The following ADAMTS16 variants were observed in gnomAD, a reference collection of about 807,000 sequenced individuals.
ADAMTS16 encodes ADAM metallopeptidase with thrombospondin type 1 motif 16, also known as A disintegrin and metalloproteinase with thrombospondin motifs 16.
Under a neutral mutation model 145.8 loss-of-function variants are expected in ADAMTS16, and 94 were observed. That is an observed-to-expected ratio of 0.64 (90% confidence interval 0.55 to 0.77). ADAMTS16 has a LOEUF of 0.77. ADAMTS16 is among the 30% of genes least tolerant of loss of function. The pLI is 0.00. For missense variants in ADAMTS16, 1,585 were observed against 1,591.5 expected, an observed-to-expected ratio of 1.00 and a Z score of 0.07; for synonymous variants, 659 against 604.3, an observed-to-expected ratio of 1.09 and a Z score of -1.33.
intron 10 of ADAMTS16, among the ~76,000 whole-genome samples, chr5:5,209,677 G>C (rs1736221768): frequency 6.6e-6 from 1 of 152,020 alleles, no homozygotes; most frequent in Non-Finnish European, 1.5e-5. Flanking sequence ...CCTCAAACAA[G>C]GTATTTATAG....
rs1000318443 is a variant in ADAMTS16, at chr5:5,319,596, G to C, written c.*458G>C. ...TCCCCTCCCACTAGGAGGGCCCCTC[G>C]AGCCATCAGGAGTGACCAACTTCCT... On this transcript the variant is annotated 3_prime_UTR_variant, in exon 23 of 23. Coordinates refer to ENST00000274181, the MANE Select transcript of ADAMTS16 (RefSeq NM_139056.4). The C allele has an allele frequency of 6.7e-6, 2 of 298,618 alleles. No individual in the cohort carries two copies. Among genetic ancestry groups the C allele is most frequent in the African/African-American group, 4.5e-5 (2 of 44,362 alleles). The allele number at this position is 298,618 out of a possible 1,614,324, so 18.5% of individuals were successfully genotyped here.
chr5:5,260,664 C>T (rs886469367), intron 17 of ADAMTS16, among the ~76,000 whole-genome samples: 1 of 152,186 alleles, frequency 6.6e-6, no homozygotes, highest in African/African-American at 2.4e-5. Context: ...ACAGTGGCTC[C>T]TGCTTTGGAA....
At chr5:5,236,432 A>G (rs1367292324) in intron 13 of ADAMTS16, among the ~76,000 whole-genome samples, 1 of 152,172 alleles carries the variant, frequency 6.6e-6, no homozygotes, top group African/African-American at 2.4e-5. Flanking sequence ...CTAGGTACCA[A>G]TATTTTAAAA....
At chr5:5,224,429 A>G (rs1292575191) in intron 11 of ADAMTS16, among the ~76,000 whole-genome samples, 1 of 152,130 alleles carries the variant, frequency 6.6e-6, no homozygotes, top group Non-Finnish European at 1.5e-5. Context: ...AGCTGGGATT[A>G]TAGGCGCCCG....
rs143837610 is a variant in ADAMTS16 at position 5,197,831 on chromosome 5, G to C, written c.1314-2301G>C. Among the ~76,000 whole-genome samples the C allele has an allele frequency of 1.1e-4, 17 of 152,298 alleles. No individual in the cohort carries two copies. In the East Asian group the frequency reaches 2.3e-3, roughly 21 times the overall value. On this transcript the variant is annotated intron_variant, in intron 8 of 22. Coordinates refer to ENST00000274181, the MANE Select transcript of ADAMTS16 (RefSeq NM_139056.4). ...ATTGTACTGATTGGAGACACAAATTGTGAAATAGTGGTGCTGAGATTTTGG... is the reference window on the plus strand; with the variant it reads ...ATTGTACTGATTGGAGACACAAATTCTGAAATAGTGGTGCTGAGATTTTGG...
chr5:5,169,319 T>A lies in ADAMTS16; in HGVS notation c.502-12725T>A, dbSNP rs1218259376. 2.6e-5 allele frequency among the ~76,000 whole-genome samples: 4 copies of A among 152,234 alleles called. No homozygotes were observed. In the East Asian group the frequency reaches 7.7e-4, roughly 29 times the overall value. On this transcript the variant is annotated intron_variant, in intron 3 of 22. Transcript: ENST00000274181. Reference sequence around the variant, plus strand: ...ATTCATGCTTAGCTGCTACGAATTCTCACAGAAGGCCCCTCCAGTTTTGTT... The same window carrying A: ...ATTCATGCTTAGCTGCTACGAATTCACACAGAAGGCCCCTCCAGTTTTGTT...
intron 9 of ADAMTS16, among the ~76,000 whole-genome samples, chr5:5,202,697 C>A (rs1347431727): frequency 6.6e-6 from 1 of 152,172 alleles, no homozygotes; most frequent in East Asian, 1.9e-4. Context: ...ATTTTTTAAA[C>A]CTCTTTTTCA....
chr5:5,303,864 C>T (rs1739907178), intron 20 of ADAMTS16, 98 bp downstream of exon 20: 1 of 1,346,374 alleles, frequency 7.4e-7, no homozygotes. Flanking sequence ...TCTCTCTTCT[C>T]CCCTTATATC....
intron 18 of ADAMTS16, among the ~76,000 whole-genome samples, chr5:5,295,407 A>AAATTT (rs10629560): frequency 1 from 152,269 of 152,314 alleles, 76,112 homozygotes; most frequent in Middle Eastern, 1. Context: ...GAGCTACACC[A>AAATTT]AATTATATTA....
intron 17 of ADAMTS16, among the ~76,000 whole-genome samples, chr5:5,262,098 TC>T (rs1173270097): frequency 6.6e-6 from 1 of 152,222 alleles, no homozygotes; most frequent in Non-Finnish European, 1.5e-5. Context: ...AGGCTGAGAA[TC>T]AAACAAACTT....
intron 18 of ADAMTS16, among the ~76,000 whole-genome samples, chr5:5,268,917 G>C (rs536564193): frequency 6.6e-6 from 1 of 152,062 alleles, no homozygotes; most frequent in East Asian, 1.9e-4. Flanking sequence ...GAAGGACTGC[G>C]CTCCCCGACC....
At chr5:5,307,116 T>C (rs1214179216) in intron 21 of ADAMTS16, among the ~76,000 whole-genome samples, 1 of 152,190 alleles carries the variant, frequency 6.6e-6, no homozygotes, top group Non-Finnish European at 1.5e-5. Context: ...CACTGTTTCC[T>C]GATCGGGTCG....
chr5:5,169,655 T>C (rs1290444290), intron 3 of ADAMTS16, among the ~76,000 whole-genome samples: 5 of 152,218 alleles, frequency 3.3e-5, no homozygotes, highest in African/African-American at 1.2e-4. Flanking sequence ...AATCACACGA[T>C]TGCTCGCTAG....
At chr5:5,194,423 A>G (rs1735745329) in intron 8 of ADAMTS16, among the ~76,000 whole-genome samples, 1 of 152,184 alleles carries the variant, frequency 6.6e-6, no homozygotes, top group Admixed American at 6.5e-5. Flanking sequence ...AGCTCAAACC[A>G]TGGAAACCAC....
At chr5:5,241,938 T>C in intron 16 of ADAMTS16, 115 bp from the exon 17 acceptor site, 1 of 1,260,718 alleles carries the variant, frequency 7.9e-7, no homozygotes. Context: ...TATTTTATCA[T>C]CATAACAAAC....
At chr5:5,188,789 G>A (rs16874942) in intron 6 of ADAMTS16, among the ~76,000 whole-genome samples, 20,739 of 152,128 alleles carry the variant, frequency 0.14, 1,483 homozygotes, top group Middle Eastern at 0.21. Context: ...ACTAGTCAGG[G>A]AAGATACAAC....
intron 8 of ADAMTS16, among the ~76,000 whole-genome samples, chr5:5,197,071 G>A (rs1735824787): frequency 6.6e-6 from 1 of 152,172 alleles, no homozygotes; most frequent in Admixed American, 6.5e-5. Context: ...AGGGCTCTGG[G>A]CAGCTCAGTC....
intron 8 of ADAMTS16, among the ~76,000 whole-genome samples, chr5:5,198,155 C>G (rs1343009896): frequency 6.6e-6 from 1 of 152,068 alleles, no homozygotes; most frequent in Non-Finnish European, 1.5e-5. Context: ...ATTTCTGGAC[C>G]GTAATGTGTC....
intron 11 of ADAMTS16, among the ~76,000 whole-genome samples, chr5:5,228,268 A>C (rs192083287): frequency 3.3e-5 from 5 of 152,294 alleles, no homozygotes; most frequent in Non-Finnish European, 7.4e-5. Context: ...GGATAGATTC[A>C]GTGGAGAAAA....
Sources: allele counts gnomAD v4.1 joint callset (sites outside exome capture counted in the v4.1 genomes callset), GRCh38; gene constraint gnomAD v4.1.1; transcripts MANE v1.5; gene names NCBI Gene and HGNC (gene_info 2026-07-23, HGNC 2026-07-21).